ZFYVE9: variants seen among roughly 807,000 people sequenced by gnomAD.
The protein encoded by ZFYVE9 is zinc finger FYVE-type containing 9, also known as zinc finger FYVE domain-containing protein 9.
A neutral mutation model predicts 126.7 loss-of-function variants in ZFYVE9; 43 were observed. That is an observed-to-expected ratio of 0.34 (90% CI 0.27 to 0.44). ZFYVE9 has a LOEUF of 0.44. Ranked by LOEUF, ZFYVE9 falls within the 20% of genes least tolerant of loss-of-function variation. The pLI, the probability that ZFYVE9 is intolerant of heterozygous loss-of-function variation, is 1.00. For synonymous variants in ZFYVE9, 521 were observed against 597.4 expected (o/e 0.87, Z 1.87); for missense variants, 1,476 against 1,697.0 (o/e 0.87, Z 2.29).
At chr1:52,256,730 A>AGTTGTCAGAAT (rs553513961) in intron 4 of ZFYVE9, among the ~76,000 whole-genome samples, 8,972 of 152,246 alleles carry the variant, frequency 0.059, 300 homozygotes, top group African/African-American at 0.079. Context: ...ACAGGTGTTT[A>AGTTGTCAGAAT]GACAGAGGCA....
chr1:52,305,614 C>G (rs1247732844), intron 13 of ZFYVE9, among the ~76,000 whole-genome samples: 2 of 152,110 alleles, frequency 1.3e-5, no homozygotes, highest in Non-Finnish European at 2.9e-5. Flanking sequence ...AGCCCCACCC[C>G]TTCCGAGTTG....
At chr1:52,249,564 T>TA (rs1393770995) in intron 4 of ZFYVE9, among the ~76,000 whole-genome samples, 6 of 152,174 alleles carry the variant, frequency 3.9e-5, no homozygotes, top group Admixed American at 1.3e-4. Flanking sequence ...GATTTGCAGA[T>TA]ATTTTCTCTT....
In ZFYVE9 at chr1:52,199,151, C is replaced by G. The variant is rs142053738; in HGVS notation, c.-142-17218C>G. ...CGCGATCTCGACTCACTGCAAGCTCCGCCTCCCGGGTTCATGCCATTCTTC... is the reference window on the plus strand; with the variant it reads ...CGCGATCTCGACTCACTGCAAGCTCGGCCTCCCGGGTTCATGCCATTCTTC... On this transcript the variant is annotated intron_variant, in intron 1 of 18. Coordinates refer to ENST00000287727, the MANE Select transcript of ZFYVE9 (RefSeq NM_004799.4). 3.9e-3 allele frequency among the ~76,000 whole-genome samples: 592 copies of G among 151,802 alleles called. 13 individuals carry two copies. In the South Asian group the frequency reaches 0.044, roughly 11 times the overall value.
intron 13 of ZFYVE9, among the ~76,000 whole-genome samples, chr1:52,305,311 G>C (rs2753401): frequency 0.26 from 39,005 of 151,970 alleles, 10,942 homozygotes; most frequent in African/African-American, 0.7. Flanking sequence ...TGCCTGTAAT[G>C]CCAGCTACTC....
In ZFYVE9 at chr1:52,239,102, C is replaced by G. The variant is rs757129930; in HGVS notation, c.1685C>G (p.Ser562Cys). The G allele has an allele frequency of 3.7e-6, 6 of 1,614,082 alleles. No homozygotes were observed. The East Asian group carries it at 1.3e-4, about 36-fold the overall frequency. ...SQVPSVLGQS[S>C]PKVVASLPSI... ...GTTCCATCAGTGCTTGGGCAATCTTCCCCCAAGGTAGTAGCAAGCCTGCCA... is the reference window on the plus strand; with the variant it reads ...GTTCCATCAGTGCTTGGGCAATCTTGCCCCAAGGTAGTAGCAAGCCTGCCA... Residue 562 changes from serine (S) to cysteine (C), a missense_variant, in exon 4 of 19, where the codon TCC becomes TGC. By Grantham distance (112) the Ser-to-Cys change is moderately radical. Transcript: ENST00000287727.
chr1:52,147,900 A>G lies in ZFYVE9; in HGVS notation c.-143+5497A>G, dbSNP rs1391806659. The stretch of plus-strand genomic sequence containing the variant: ...GTTATCTGTTTTTTTGATTATAACC[A>G]TCCTAATGAGTGTGAAGTGGTAATG... On this transcript the variant is annotated intron_variant, in intron 1 of 18. Coordinates refer to ENST00000287727, the MANE Select transcript of ZFYVE9 (RefSeq NM_004799.4). Among the ~76,000 whole-genome samples the G allele has an allele frequency of 3.3e-5, 5 of 151,860 alleles. No homozygotes were observed. The East Asian group carries it at 9.7e-4, about 29-fold the overall frequency.
At chr1:52,339,999 T>C (rs1646420247) in intron 16 of ZFYVE9, 127 bp from the exon 17 acceptor site, 2 of 709,204 alleles carry the variant, frequency 2.8e-6, no homozygotes, top group Non-Finnish European at 5.0e-6. Flanking sequence ...TATGATGTGC[T>C]GCACAGGTGT....
chr1:52,155,567 T>C lies in ZFYVE9; in HGVS notation c.-143+13164T>C, dbSNP rs374243880. Among the ~76,000 whole-genome samples the C allele has an allele frequency of 9.2e-5, 14 of 152,336 alleles. No individual in the cohort carries two copies. In the South Asian group the frequency reaches 2.5e-3, roughly 27 times the overall value. The stretch of plus-strand genomic sequence containing the variant: ...TGTTTTTCTAATAGCATGGCCTTCC[T>C]GCAGAACTCTAGGGGCCTGCATTTT... On this transcript the variant is annotated intron_variant, in intron 1 of 18. Coordinates refer to ENST00000287727, the MANE Select transcript of ZFYVE9 (RefSeq NM_004799.4).
In ZFYVE9 at chr1:52,272,083, C is replaced by T. The variant is rs190852403; in HGVS notation, c.2626-2381C>T. ...GAACTCTTGGCCTCAGGTGATCTCC[C>T]CTCCTTGGCCTCTCAAAGTGCTGGG... On this transcript the variant is annotated intron_variant, in intron 7 of 18. Coordinates refer to ENST00000287727, the MANE Select transcript of ZFYVE9 (RefSeq NM_004799.4). 4.6e-5 allele frequency among the ~76,000 whole-genome samples: 7 copies of T among 152,236 alleles called. No homozygotes were observed. The East Asian group carries it at 9.6e-4, about 21-fold the overall frequency.
intron 1 of ZFYVE9, among the ~76,000 whole-genome samples, chr1:52,143,718 A>G (rs1359381107): frequency 1.3e-5 from 2 of 152,206 alleles, no homozygotes; most frequent in East Asian, 3.8e-4. Context: ...ATTTTACTAA[A>G]TTACATTGGA....
intron 2 of ZFYVE9, among the ~76,000 whole-genome samples, chr1:52,223,829 G>T (rs1435727394): frequency 2.0e-5 from 3 of 152,138 alleles, no homozygotes; most frequent in Admixed American, 6.5e-5. Flanking sequence ...ATGCTCTGCT[G>T]CAAGGACATT....
At chr1:52,285,336 G>A (rs1266713186) in intron 10 of ZFYVE9, among the ~76,000 whole-genome samples, 4 of 151,932 alleles carry the variant, frequency 2.6e-5, no homozygotes, top group African/African-American at 9.7e-5. Flanking sequence ...CTAAAACGGG[G>A]TCCCCAACCC....
chr1:52,212,238 A>T (rs1234466182), intron 1 of ZFYVE9, among the ~76,000 whole-genome samples: 1 of 152,108 alleles, frequency 6.6e-6, no homozygotes, highest in Non-Finnish European at 1.5e-5. Context: ...TCCACCTCCC[A>T]GGCTCAAGTT....
At chr1:52,176,142 C>G (rs897972222) in intron 1 of ZFYVE9, among the ~76,000 whole-genome samples, 6 of 152,152 alleles carry the variant, frequency 3.9e-5, no homozygotes, top group Non-Finnish European at 7.4e-5. Context: ...TACTTTTGGT[C>G]TTTGATGATG....
In ZFYVE9 at chr1:52,238,905, C is replaced by A; in HGVS notation, c.1488C>A (p.Pro496=). The part of the protein sequence containing the change: ...PGVSFVPKTL[P]SKEDSVTEEK... ...TTTCTTTTGTTCCAAAGACTTTACC[C>A]TCCAAAGAAGATTCAGTAACAGAAG... Residue 496 remains proline (P), a synonymous_variant, in exon 4 of 19, where the codon CCC becomes CCA. Transcript: ENST00000287727. 1 of 1,613,864 alleles carries A rather than the reference C, an allele frequency of 6.2e-7. No homozygotes were observed. Among genetic ancestry groups the A allele is most frequent in the Admixed American group, 1.7e-5 (1 of 59,972 alleles).
At chr1:52,172,132 A>G (rs1237068674) in intron 1 of ZFYVE9, among the ~76,000 whole-genome samples, 7 of 152,110 alleles carry the variant, frequency 4.6e-5, no homozygotes, top group South Asian at 2.1e-4. Context: ...TTATGGTTTT[A>G]GGTCTAACGT....
At chr1:52,292,736 T>C (rs1298456675) in intron 10 of ZFYVE9, among the ~76,000 whole-genome samples, 1 of 152,098 alleles carries the variant, frequency 6.6e-6, no homozygotes, top group African/African-American at 2.4e-5. Context: ...CCCAAAGTGC[T>C]GGGATTACAG....
At chr1:52,255,928 CT>C (rs1557483990) in intron 4 of ZFYVE9, among the ~76,000 whole-genome samples, 40 of 118,896 alleles carry the variant, frequency 3.4e-4, no homozygotes, top group African/African-American at 1.7e-3. Context: ...CTTTTCTTTT[CT>C]TTTCTTTTCT....
At chr1:52,304,526 G>A (rs1356268424) in intron 13 of ZFYVE9, among the ~76,000 whole-genome samples, 1 of 151,996 alleles carries the variant, frequency 6.6e-6, no homozygotes, top group East Asian at 1.9e-4. Context: ...GCCTCCCAAA[G>A]TGCTGGGATT....
Sources: gnomAD v4.1 joint callset for allele counts (sites outside exome capture counted in the v4.1 genomes callset) on GRCh38, gnomAD v4.1.1 for gene constraint, MANE v1.5 for transcripts, NCBI Gene and HGNC (gene_info 2026-07-23, HGNC 2026-07-21) for gene names.